The following GREB1 variants were observed in gnomAD, a reference collection of about 807,000 sequenced individuals.
GREB1 encodes growth regulating estrogen receptor binding 1.
Under a neutral mutation model 200.7 loss-of-function variants are expected in GREB1, and 106 were observed. That is an observed-to-expected ratio of 0.53 (90% CI 0.45 to 0.62). The LOEUF (loss-of-function observed/expected upper bound fraction) is 0.62. Ranked by LOEUF, GREB1 falls within the 20% of genes least tolerant of loss-of-function variation. GREB1 has a pLI of 0.00. For synonymous variants in GREB1, 1,132 were observed against 1,092.4 expected (o/e 1.04, Z -0.72); for missense variants, 2,243 against 2,556.8 (o/e 0.88, Z 2.65).
chr2:11,625,169 C>G lies in GREB1; in HGVS notation c.4163C>G (p.Ser1388Cys). The part of the protein sequence containing the change: ...EEININLREE[S>C]DWHYLQLSDP... The stretch of plus-strand genomic sequence containing the variant: ...AATCTTGTAGACCTCAGAGAAGAAT[C>G]TGACTGGCATTATCTCCAGCTTAGC... Residue 1388 changes from serine (S) to cysteine (C), a missense_variant, in exon 24 of 33, where the codon TCT becomes TGT. Physicochemically the swap from Ser to Cys is moderately radical, Grantham distance 112. Transcript: ENST00000381486. The G allele has an allele frequency of 6.2e-7, 1 of 1,613,730 alleles. No homozygotes were observed. The highest frequency in any genetic ancestry group is 8.5e-7 in the Non-Finnish European group (1 of 1,179,622).
upstream of GREB1, among the ~76,000 whole-genome samples, chr2:11,531,253 A>G (rs1360526235): frequency 6.6e-6 from 1 of 152,172 alleles, no homozygotes; most frequent in Non-Finnish European, 1.5e-5. Context: ...GCTAGAGCCT[A>G]GGCTGCCAAG....
intron 1 of GREB1, among the ~76,000 whole-genome samples, chr2:11,507,427 C>G (rs909197256): frequency 1.3e-5 from 2 of 150,178 alleles, no homozygotes; most frequent in African/African-American, 4.9e-5. Flanking sequence ...AACCATAAAC[C>G]GAAAAACAAT....
chr2:11,591,269 G>T, intron 10 of GREB1: 1 of 664,956 alleles, frequency 1.5e-6, no homozygotes, highest in Non-Finnish European at 2.8e-6. Flanking sequence ...CCACAGAGCA[G>T]GTGTCATGAA....
chr2:11,485,059 C>G lies in GREB1; in HGVS notation c.-159+2678C>G, dbSNP rs192625378. 7.2e-5 allele frequency among the ~76,000 whole-genome samples: 11 copies of G among 152,148 alleles called. No homozygotes were observed. The East Asian group carries it at 1.9e-3, about 27-fold the overall frequency. Reference sequence around the variant, plus strand: ...TTTCACCGTGGTCTCCATCTCCTGTCCTCGTGATCTGCCCGCCTCGGCCTC... The same window carrying G: ...TTTCACCGTGGTCTCCATCTCCTGTGCTCGTGATCTGCCCGCCTCGGCCTC... On this transcript the variant is annotated intron_variant, in intron 1 of 2. Transcript: ENST00000628795.
intron 1 of GREB1, among the ~76,000 whole-genome samples, chr2:11,488,888 AAAG>A (rs200576019): frequency 0.02 from 2,389 of 118,674 alleles, 25 homozygotes; most frequent in East Asian, 0.03. Flanking sequence ...AAAAAAAAAA[AAAG>A]ATTGAGAAGC....
chr2:11,554,994 T>C (rs1676294204), intron 1 of GREB1, among the ~76,000 whole-genome samples: 1 of 152,118 alleles, frequency 6.6e-6, no homozygotes, highest in African/African-American at 2.4e-5. Flanking sequence ...CAGAGGGAAA[T>C]GATAAACTGT....
intron 12 of GREB1, 30 bp downstream of exon 12, chr2:11,595,409 CG>C (rs745598301): frequency 3.1e-6 from 5 of 1,605,224 alleles, no homozygotes; most frequent in Non-Finnish European, 4.3e-6. Context: ...GGTGCACATG[CG>C]TATGTTAATA....
chr2:11,633,347 G>A lies in GREB1; in HGVS notation c.4991+284G>A, dbSNP rs2148431945. Among the ~76,000 whole-genome samples the A allele has an allele frequency of 6.6e-6, 1 of 152,184 alleles. No individual in the cohort carries two copies. The highest frequency in any genetic ancestry group is 2.1e-4 in the South Asian group (1 of 4,824). ...GGAGGCTGAGGTGGGTGGATCACGA[G>A]GTCAGGAGATCGAGACCATCCTGGC... On this transcript the variant is annotated intron_variant, in intron 28 of 32. Coordinates refer to ENST00000381486, the MANE Select transcript of GREB1 (RefSeq NM_014668.4). This position sits in a 1 kb window ranked among gnomAD's most constrained non-coding sequence, Gnocchi z 4.1.
Position 11,512,526 on chromosome 2 carries a change from A to G in GREB1, c.-159+30145A>G, listed in dbSNP as rs993428773. 3.3e-5 allele frequency among the ~76,000 whole-genome samples: 5 copies of G among 152,216 alleles called. No homozygotes were observed. In the South Asian group the frequency reaches 1.0e-3, roughly 32 times the overall value. ...AAGGGGAAACGTGTGTATTTCCTAA[A>G]GCTTTAGAAAAAAATGACTTGTGTG... On this transcript the variant is annotated intron_variant, in intron 1 of 2. Transcript: ENST00000628795.
chr2:11,529,007 C>G (rs994101777), intron 1 of GREB1, among the ~76,000 whole-genome samples: 3 of 152,036 alleles, frequency 2.0e-5, no homozygotes, highest in Admixed American at 1.3e-4. Flanking sequence ...ATATTTTTTG[C>G]CCACAGTGAC....
intron 17 of GREB1, among the ~76,000 whole-genome samples, chr2:11,607,352 T>C (rs1408068913): frequency 6.6e-6 from 1 of 151,908 alleles, no homozygotes; most frequent in Admixed American, 6.6e-5. Context: ...TTTTAGTTTC[T>C]ATTGCTGTGT....
chr2:11,612,594 G>T lies in GREB1; in HGVS notation c.3106G>T (p.Gly1036Trp). ...GATCTTCAGTGGGATGGACCCGCAT[G>T]GGGAGTCCTTGCCGAGGTGAGTGGA... ...ILIFSGMDPHGESLPRSLRYC... is the reference protein window; with the variant it reads ...ILIFSGMDPHWESLPRSLRYC... The change falls in exon 19 of 33, where the codon GGG becomes TGG. Residue 1036 changes from glycine to tryptophan, a missense_variant. Transcript: ENST00000381486. 1.9e-6 allele frequency: 3 copies of T among 1,610,292 alleles called. No individual in the cohort carries two copies. In the South Asian group the frequency reaches 3.3e-5, roughly 18 times the overall value.
chr2:11,537,053 C>T (rs959170779), intron 1 of GREB1, among the ~76,000 whole-genome samples: 2 of 152,154 alleles, frequency 1.3e-5, no homozygotes, highest in African/African-American at 4.8e-5. Flanking sequence ...ACCTCCTCCT[C>T]CTGGGTTCAA....
At chr2:11,497,236 CTT>C (rs1354755800) in intron 1 of GREB1, among the ~76,000 whole-genome samples, 1 of 152,160 alleles carries the variant, frequency 6.6e-6, no homozygotes, top group East Asian at 1.9e-4. Flanking sequence ...TTGAGGTTGA[CTT>C]TTCTTTTTTC....
intron 1 of GREB1, among the ~76,000 whole-genome samples, chr2:11,537,606 T>C (rs1009355845): frequency 1.3e-5 from 2 of 148,872 alleles, no homozygotes; most frequent in Non-Finnish European, 3.0e-5. Context: ...TCTAAAAATA[T>C]AATAAATAGT....
At chr2:11,483,166 C>T (rs1672549172) in intron 1 of GREB1, among the ~76,000 whole-genome samples, 1 of 151,754 alleles carries the variant, frequency 6.6e-6, no homozygotes, top group South Asian at 2.1e-4. Flanking sequence ...CTGCCGCTGC[C>T]GTGCGCTTGT....
intron 17 of GREB1, among the ~76,000 whole-genome samples, chr2:11,608,684 C>T (rs891632800): frequency 3.9e-5 from 6 of 152,218 alleles, no homozygotes; most frequent in Non-Finnish European, 8.8e-5. Flanking sequence ...TGTTTCATGA[C>T]TCCGAGGTGT....
rs568160584 is a variant in GREB1 at position 11,584,183 on chromosome 2, A to G, written c.902-978A>G. Among the ~76,000 whole-genome samples the G allele has an allele frequency of 5.9e-5, 9 of 152,288 alleles. No individual in the cohort carries two copies. In the South Asian group the frequency reaches 6.2e-4, roughly 11 times the overall value. ...AAAGTTTCCCGGTTGAGTTTAATGTACAGTTGAAGTTGAGACATGAATCTC... is the reference window on the plus strand; with the variant it reads ...AAAGTTTCCCGGTTGAGTTTAATGTGCAGTTGAAGTTGAGACATGAATCTC... On this transcript the variant is annotated intron_variant, in intron 7 of 32. Transcript: ENST00000381486.
At chr2:11,624,551 GC>G (rs1339964474) in intron 23 of GREB1, among the ~76,000 whole-genome samples, 2 of 151,886 alleles carry the variant, frequency 1.3e-5, no homozygotes, top group Non-Finnish European at 2.9e-5. Flanking sequence ...TACCGTGTTG[GC>G]CAGACTGGTC....
Sources: allele counts gnomAD v4.1 joint callset (sites outside exome capture counted in the v4.1 genomes callset), GRCh38; gene constraint gnomAD v4.1.1; non-coding constraint Gnocchi (gnomAD v3.1); transcripts MANE v1.5; gene names NCBI Gene and HGNC (gene_info 2026-07-23, HGNC 2026-07-21).